Variants in KIF13A observed in about 807,000 individuals in gnomAD.
The protein encoded by KIF13A is kinesin-like protein KIF13A.
Under a neutral mutation model 212.2 loss-of-function variants are expected in KIF13A, and 79 were observed. That is an observed-to-expected ratio of 0.37 (90% CI 0.31 to 0.45). KIF13A has a LOEUF of 0.45. Ranked by LOEUF, KIF13A falls within the 20% of genes least tolerant of loss-of-function variation. KIF13A has a pLI of 1.00. For missense variants in KIF13A, 1,901 were observed against 2,209.0 expected (o/e 0.86, Z 2.79); for synonymous variants, 789 against 808.6 (o/e 0.98, Z 0.41).
At position 17,850,372 on chromosome 6, in the gene KIF13A, G is replaced by C. The variant is rs1767522257; in HGVS notation, c.668C>G (p.Ala223Gly). The C allele has an allele frequency of 1.9e-6, 3 of 1,613,908 alleles. No individual in the cohort carries two copies. The East Asian group carries it at 6.7e-5, about 36-fold the overall frequency. Residue 223 changes from alanine to glycine, a missense_variant, in exon 8 of 39, where the codon GCT (alanine) becomes GGT (glycine). Coordinates refer to ENST00000259711, the MANE Select transcript of KIF13A (RefSeq NM_022113.6). This position sits in a 1 kb window ranked among gnomAD's most constrained non-coding sequence, Gnocchi z 6.2. ...CTGTGTGATTATGATGTTGAACACA[G>C]CATGGGAGCGGCTGCTTTCTTCGTT... ...NMNEESSRSH[A>G]VFNIIITQTL...
chr6:17,948,155 G>A (rs1356768878), intron 2 of KIF13A, among the ~76,000 whole-genome samples: 4 of 151,990 alleles, frequency 2.6e-5, no homozygotes, highest in South Asian at 4.1e-4. Context: ...TCACATAACC[G>A]AGTTACTTGC....
Position 17,787,723 on chromosome 6 carries a change from A to G in KIF13A, c.3361+53T>C. On this transcript the variant is annotated intron_variant, in intron 27 of 38. Coordinates refer to ENST00000259711, the MANE Select transcript of KIF13A (RefSeq NM_022113.6). The surrounding 1 kb of genome is among the most constrained non-coding windows in gnomAD (Gnocchi z 4.6). ...TAGGGGAAGAAAACGACCTACTGCC[A>G]TTGTGTAAAAGTGAAAAAGCTACTC... 9.9e-7 allele frequency: 1 copy of G among 1,006,810 alleles called. No individual in the cohort carries two copies. The highest frequency in any genetic ancestry group is 1.6e-6 in the Non-Finnish European group (1 of 629,238). 62.4% of individuals were successfully genotyped at this position (1,006,810 alleles called of 1,614,324 possible).
intron 19 of KIF13A, 79 bp downstream of exon 19, chr6:17,805,379 GTGTGTGTGTGTGTGTGT>G: frequency 4.5e-6 from 1 of 220,612 alleles, no homozygotes; most frequent in Non-Finnish European, 8.3e-6. Flanking sequence ...CCGTGTGTGT[GTGTGTGTGTGTGTGTGT>G]GTGTGTGTGT....
At chr6:17,944,828 A>G (rs768710025) in intron 2 of KIF13A, among the ~76,000 whole-genome samples, 25 of 152,350 alleles carry the variant, frequency 1.6e-4, no homozygotes, top group Non-Finnish European at 2.6e-4. Flanking sequence ...AAAAACTATC[A>G]TTAGCAAACA....
intron 18 of KIF13A, among the ~76,000 whole-genome samples, chr6:17,807,937 A>G (rs189778506): frequency 7.6e-4 from 116 of 152,364 alleles, no homozygotes; most frequent in East Asian, 3.9e-4. Flanking sequence ...AACAGCAACA[A>G]AAATGAAAAA....
intron 2 of KIF13A, among the ~76,000 whole-genome samples, chr6:17,959,810 A>G (rs1278900288): frequency 2.6e-5 from 4 of 152,170 alleles, no homozygotes; most frequent in African/African-American, 9.7e-5. Context: ...GATCACCTGA[A>G]GTCAGGAGTT....
chr6:17,763,587 C>T (rs1348752600), downstream of KIF13A: 1 of 156,016 alleles, frequency 6.4e-6, no homozygotes, highest in African/African-American at 2.4e-5. Flanking sequence ...CGCCCCAAAG[C>T]ACTTTTTCAC....
chr6:17,760,846 G>T, downstream of KIF13A: 1 of 1,613,624 alleles, frequency 6.2e-7, no homozygotes, highest in Non-Finnish European at 8.5e-7. Context: ...GAGGAGGGGT[G>T]CTTGCTGCTC....
intron 2 of KIF13A, among the ~76,000 whole-genome samples, chr6:17,979,887 G>A (rs1461415988): frequency 6.6e-6 from 1 of 152,002 alleles, no homozygotes; most frequent in Non-Finnish European, 1.5e-5. Context: ...GAGGAAATCT[G>A]TCAAAAGGTA....
rs979579364 is a variant in KIF13A at position 17,895,455 on chromosome 6, T to C, written c.159+2713A>G. ...TTCTGGTATCACTTTGTTCCAATTT[T>C]TGTGCTTGAGATTTCCTGGATCATA... is the stretch of plus-strand genomic sequence containing the variant. On this transcript the variant is annotated intron_variant, in intron 3 of 38. Coordinates refer to ENST00000259711, the MANE Select transcript of KIF13A (RefSeq NM_022113.6). This position sits in a 1 kb window ranked among gnomAD's most constrained non-coding sequence, Gnocchi z 4.4. Among the ~76,000 whole-genome samples, 1 of 152,224 alleles carries C rather than the reference T, an allele frequency of 6.6e-6. No individual in the cohort carries two copies. Among genetic ancestry groups the C allele is most frequent in the Non-Finnish European group, 1.5e-5 (1 of 68,028 alleles).
chr6:17,920,960 G>T (rs1316477614), intron 2 of KIF13A, among the ~76,000 whole-genome samples: 1 of 151,980 alleles, frequency 6.6e-6, no homozygotes, highest in Non-Finnish European at 1.5e-5. Flanking sequence ...GCCCTTAAAG[G>T]GTCATATCCT....
At chr6:17,866,012 A>C (rs949692888) in intron 4 of KIF13A, among the ~76,000 whole-genome samples, 10 of 152,170 alleles carry the variant, frequency 6.6e-5, no homozygotes, top group Non-Finnish European at 1.5e-4. Context: ...TGCCCTGGGC[A>C]CTGGTCTCGA....
chr6:17,898,021 A>G lies in KIF13A; in HGVS notation c.159+147T>C, dbSNP rs533178110. 22 of 637,348 alleles carry G rather than the reference A, an allele frequency of 3.5e-5. No individual in the cohort carries two copies. In the African/African-American group the frequency reaches 3.5e-4, roughly 10 times the overall value. The allele number at this position is 637,348 out of a possible 1,614,324, so 39.5% of individuals were successfully genotyped here. On this transcript the variant is annotated intron_variant, in intron 3 of 38. Transcript: ENST00000259711. This position sits in a 1 kb window ranked among gnomAD's most constrained non-coding sequence, Gnocchi z 5.2. ...ACACTCTAACTTTATGTTAACACTG[A>G]TATTAATTGTTCATGATGTGAGTTT...
At chr6:17,832,356 C>CT (rs1765521932) in intron 12 of KIF13A, among the ~76,000 whole-genome samples, 1 of 152,074 alleles carries the variant, frequency 6.6e-6, no homozygotes, top group Non-Finnish European at 1.5e-5. Context: ...TTATGATATG[C>CT]TATACGTTAC....
intron 3 of KIF13A, among the ~76,000 whole-genome samples, chr6:17,873,755 TA>T (rs796465989): frequency 2.7e-5 from 4 of 149,800 alleles, no homozygotes; most frequent in Admixed American, 1.3e-4. Flanking sequence ...ATCGAGCAAT[TA>T]AAAAAAAAAT....
rs146740792 is a variant in KIF13A, at chr6:17,849,972, G to C, written c.717+351C>G. ...TGTCATCACACTTGTTAGGGACTTT[G>C]CACAAGAAATACAATTATTTTTCTT... On this transcript the variant is annotated intron_variant, in intron 8 of 38. Transcript: ENST00000259711. The surrounding 1 kb of genome is among the most constrained non-coding windows in gnomAD (Gnocchi z 5.7). 3.9e-4 allele frequency among the ~76,000 whole-genome samples: 59 copies of C among 152,124 alleles called. No homozygotes were observed. Among genetic ancestry groups the C allele is most frequent in the African/African-American group, 1.3e-3 (55 of 41,416 alleles).
intron 3 of KIF13A, among the ~76,000 whole-genome samples, chr6:17,896,076 T>G (rs184129309): frequency 6.7e-4 from 102 of 152,336 alleles, no homozygotes; most frequent in East Asian, 7.7e-4. Flanking sequence ...AGTCCTACTC[T>G]GTTGGTCCCC....
chr6:17,850,315 T>C lies in KIF13A; in HGVS notation c.717+8A>G, dbSNP rs199777094. 77 of 1,609,868 alleles carry C rather than the reference T, an allele frequency of 4.8e-5. No individual in the cohort carries two copies. The African/African-American group carries it at 9.2e-4, about 19-fold the overall frequency. On this transcript the variant is annotated splice_region_variant and intron_variant, in intron 8 of 38. Coordinates refer to ENST00000259711, the MANE Select transcript of KIF13A (RefSeq NM_022113.6). This position sits in a 1 kb window ranked among gnomAD's most constrained non-coding sequence, Gnocchi z 6.2. ...CCCACTCCAAAAAGGTTCTGCCTAA[T>C]CCCTTACCCCAGACTGCAGGTCATA...
Position 17,888,633 on chromosome 6 carries a change from G to A in KIF13A, c.159+9535C>T, listed in dbSNP as rs1228816355. 1.3e-5 allele frequency among the ~76,000 whole-genome samples: 2 copies of A among 152,152 alleles called. No homozygotes were observed. The highest frequency in any genetic ancestry group is 2.1e-4 in the South Asian group (1 of 4,820). Reference sequence around the variant, plus strand: ...GAGGCCGGGAGTTCGAGACCAGCTTGGCCAACATGGTGAAACCCTGTCTCT... The same window carrying A: ...GAGGCCGGGAGTTCGAGACCAGCTTAGCCAACATGGTGAAACCCTGTCTCT... On this transcript the variant is annotated intron_variant, in intron 3 of 38. Coordinates refer to ENST00000259711, the MANE Select transcript of KIF13A (RefSeq NM_022113.6). The surrounding 1 kb of genome is among the most constrained non-coding windows in gnomAD (Gnocchi z 4.8).
Sources: gnomAD v4.1 joint callset for allele counts (sites outside exome capture counted in the v4.1 genomes callset) on GRCh38, gnomAD v4.1.1 for gene constraint, Gnocchi (gnomAD v3.1) non-coding constraint, MANE v1.5 for transcripts, NCBI Gene and HGNC (gene_info 2026-07-23, HGNC 2026-07-21) for gene names.